The following RPS6KB1 variants were observed in gnomAD, a reference collection of about 807,000 sequenced individuals.
RPS6KB1 encodes the protein ribosomal protein S6 kinase B1, also known as ribosomal protein S6 kinase beta-1.
RPS6KB1 carries 12 observed loss-of-function variants against 70.2 expected under a neutral mutation model. The observed-to-expected ratio is 0.17, with a 90% confidence interval of 0.11 to 0.28. RPS6KB1 has a LOEUF of 0.28. Among genes scored for constraint, RPS6KB1 ranks in the 10% least tolerant of loss-of-function variants. RPS6KB1 has a pLI of 1.00. For missense variants in RPS6KB1, 270 were observed against 646.6 expected (o/e 0.42, Z 6.32); for synonymous variants, 175 against 211.2 (o/e 0.83, Z 1.49).
At chr17:59,894,609 C>G (rs995286703) in intron 1 of RPS6KB1, among the ~76,000 whole-genome samples, 3 of 152,090 alleles carry the variant, frequency 2.0e-5, no homozygotes, top group African/African-American at 7.2e-5. Context: ...TTGTTTGTTT[C>G]TTTTGTTTTG....
chr17:59,947,730 A>AACCT lies in RPS6KB1; in HGVS notation c.*943_*944insCCTA. On this transcript the variant is annotated 3_prime_UTR_variant, in exon 15 of 15. Coordinates refer to ENST00000225577, the MANE Select transcript of RPS6KB1 (RefSeq NM_003161.4). ...ACACCAGTATTTGGTTCAAGACACC[A>AACCT]AATGTCTTCAGCCCATGGCTGAAGA... 1.5e-6 allele frequency: 1 copy of AACCT among 662,092 alleles called. No homozygotes were observed. The highest frequency in any genetic ancestry group is 2.8e-5 in the East Asian group (1 of 35,508). 41.0% of individuals were successfully genotyped at this position (662,092 alleles called of 1,614,324 possible).
In RPS6KB1 at chr17:59,947,859, CT is replaced by C; in HGVS notation, c.*1072del. ...GGTGTTGCTGTGGCCCACTCTCTGT[CT>C]AATCTCTTTACAGCAAATTGGTAAG... On this transcript the variant is annotated 3_prime_UTR_variant, in exon 15 of 15. Transcript: ENST00000225577. 1 of 411,760 alleles carries C rather than the reference CT, an allele frequency of 2.4e-6. No individual in the cohort carries two copies. The highest frequency in any genetic ancestry group is 4.4e-6 in the Non-Finnish European group (1 of 226,316). 25.5% of individuals were successfully genotyped at this position (411,760 alleles called of 1,614,324 possible).
chr17:59,942,411 A>T (rs1271550842), intron 13 of RPS6KB1, among the ~76,000 whole-genome samples: 1 of 152,248 alleles, frequency 6.6e-6, no homozygotes, highest in African/African-American at 2.4e-5. Context: ...ATGGATTTAT[A>T]TCAGAAGACC....
chr17:59,909,755 T>C (rs1440310219), intron 1 of RPS6KB1, among the ~76,000 whole-genome samples: 3 of 151,998 alleles, frequency 2.0e-5, no homozygotes, highest in Non-Finnish European at 4.4e-5. Context: ...GACTCACGCC[T>C]GTAATCCCAG....
At chr17:59,915,500 CTG>C (rs2042891712) in intron 4 of RPS6KB1, among the ~76,000 whole-genome samples, 1 of 151,972 alleles carries the variant, frequency 6.6e-6, no homozygotes, top group Admixed American at 6.6e-5. Context: ...AACTCTCACT[CTG>C]TTGTCCAGGC....
intron 1 of RPS6KB1, among the ~76,000 whole-genome samples, chr17:59,902,293 T>C (rs1010608679): frequency 3.3e-5 from 5 of 151,638 alleles, no homozygotes; most frequent in Non-Finnish European, 5.9e-5. Context: ...TTAGTAGAGA[T>C]GGGGTTTTGC....
intron 14 of RPS6KB1, 106 bp downstream of exon 14, chr17:59,945,624 CTCTTTGGTTGACA>C (rs1355049542): frequency 4.6e-6 from 3 of 657,374 alleles, no homozygotes; most frequent in Admixed American, 4.9e-5. Context: ...CTGTCATACT[CTCTTTGGTTGACA>C]TAAGCACAGC....
At chr17:59,918,829 C>CTTTTTTTTTTTTTTTTTTTTGTTTT in intron 4 of RPS6KB1, among the ~76,000 whole-genome samples, 1 of 119,072 alleles carries the variant, frequency 8.4e-6, no homozygotes, top group Non-Finnish European at 1.8e-5. Flanking sequence ...ACTGATTATT[C>CTTTTTTTTTTTTTTTTTTTTGTTTT]TTTTTTTTTT....
At chr17:59,924,728 C>T (rs2043493411) in intron 4 of RPS6KB1, among the ~76,000 whole-genome samples, 1 of 151,820 alleles carries the variant, frequency 6.6e-6, no homozygotes, top group African/African-American at 2.4e-5. Flanking sequence ...CTTTCTTGTA[C>T]AAAAGATAGC....
chr17:59,909,652 G>A (rs574296302), intron 1 of RPS6KB1, among the ~76,000 whole-genome samples: 9 of 151,204 alleles, frequency 6.0e-5, no homozygotes, highest in East Asian at 2.0e-4. Flanking sequence ...CGAGGAGGGC[G>A]GATCACCTGA....
At chr17:59,924,958 A>G (rs902300289) in intron 4 of RPS6KB1, among the ~76,000 whole-genome samples, 18 of 151,840 alleles carry the variant, frequency 1.2e-4, no homozygotes, top group Admixed American at 8.5e-4. Flanking sequence ...CCTCCCAAGT[A>G]GCTTGGACTA....
At chr17:59,895,871 A>ATG (rs2041524174) in intron 1 of RPS6KB1, among the ~76,000 whole-genome samples, 1 of 151,436 alleles carries the variant, frequency 6.6e-6, no homozygotes, top group Non-Finnish European at 1.5e-5. Flanking sequence ...GAGCTCCAGC[A>ATG]ATCTGCCAGC....
intron 4 of RPS6KB1, among the ~76,000 whole-genome samples, chr17:59,915,199 A>G (rs569585181): frequency 6.6e-6 from 1 of 152,192 alleles, no homozygotes; most frequent in Admixed American, 6.5e-5. Context: ...CATATTGGCC[A>G]GGATGGTCTT....
Position 59,917,111 on chromosome 17 carries a change from T to G in RPS6KB1, c.381+2408T>G, listed in dbSNP as rs534191365. On this transcript the variant is annotated intron_variant, in intron 4 of 14. Coordinates refer to ENST00000225577, the MANE Select transcript of RPS6KB1 (RefSeq NM_003161.4). ...GTGATGTGTGTTGCTTTGACTTTGATTATTATTTTTATTTAGTTAGTTTTT... is the reference window on the plus strand; with the variant it reads ...GTGATGTGTGTTGCTTTGACTTTGAGTATTATTTTTATTTAGTTAGTTTTT... Among the ~76,000 whole-genome samples, 6 of 152,282 alleles carry G rather than the reference T, an allele frequency of 3.9e-5. No individual in the cohort carries two copies. The South Asian group carries it at 1.2e-3, about 32-fold the overall frequency.
At chr17:59,927,470 T>C (rs556047934) in intron 5 of RPS6KB1, among the ~76,000 whole-genome samples, 77 of 152,188 alleles carry the variant, frequency 5.1e-4, no homozygotes, top group African/African-American at 1.8e-3. Context: ...AGCTACAGAA[T>C]GTAGCAACTG....
At chr17:59,944,536 G>A (rs769167533) in intron 13 of RPS6KB1, among the ~76,000 whole-genome samples, 1 of 152,016 alleles carries the variant, frequency 6.6e-6, no homozygotes, top group Non-Finnish European at 1.5e-5. Context: ...AGTGAGCTAT[G>A]TTATCACCAC....
At chr17:59,925,606 C>T (rs954125704) in intron 4 of RPS6KB1, among the ~76,000 whole-genome samples, 2 of 152,074 alleles carry the variant, frequency 1.3e-5, no homozygotes, top group Non-Finnish European at 2.9e-5. Flanking sequence ...ATGTGTCTTT[C>T]ATAAAGCCAA....
chr17:59,946,601 G>T lies in RPS6KB1; in HGVS notation c.1391G>T (p.Ser464Ile). Reference sequence around the variant, plus strand: ...TTCTGGGGAAGAGGTGCTTCGGCCAGCACAGCAAATCCTCAGACACCTGTG... The same window carrying T: ...TTCTGGGGAAGAGGTGCTTCGGCCATCACAGCAAATCCTCAGACACCTGTG... ...GDFWGRGASA[S>I]TANPQTPVEY... The change falls in exon 15 of 15, where the codon AGC (serine) becomes ATC (isoleucine). Residue 464 changes from serine to isoleucine, a missense_variant. Physicochemically the swap from Ser to Ile is moderately radical, Grantham distance 142. Around this residue, in one of 4 missense-constraint regions of RPS6KB1, gnomAD observed 133 missense variants for 314.7 expected, o/e 0.42. Transcript: ENST00000225577. The surrounding 1 kb of genome is among the most constrained non-coding windows in gnomAD (Gnocchi z 4.2). 1 of 1,614,130 alleles carries T rather than the reference G, an allele frequency of 6.2e-7. No homozygotes were observed. Among genetic ancestry groups the T allele is most frequent in the East Asian group, 2.2e-5 (1 of 44,880 alleles).
intron 1 of RPS6KB1, among the ~76,000 whole-genome samples, chr17:59,899,946 T>C (rs1297578335): frequency 1.3e-5 from 2 of 151,904 alleles, no homozygotes; most frequent in Non-Finnish European, 2.9e-5. Flanking sequence ...GGAAGGATCA[T>C]TTGAGGCCAA....
Sources: allele counts gnomAD v4.1 joint callset (sites outside exome capture counted in the v4.1 genomes callset), GRCh38; gene constraint gnomAD v4.1.1; regional missense constraint gnomAD v4.1.1; non-coding constraint Gnocchi (gnomAD v3.1); transcripts MANE v1.5; gene names NCBI Gene and HGNC (gene_info 2026-07-23, HGNC 2026-07-21).